Variants in ABCB4 observed in about 807,000 individuals in gnomAD.
ABCB4 encodes the protein ATP binding cassette subfamily B member 4, also known as phosphatidylcholine translocator ABCB4.
Under a neutral mutation model 145.7 loss-of-function variants are expected in ABCB4, and 76 were observed. The observed-to-expected ratio is 0.52, with a 90% confidence interval of 0.43 to 0.63. The LOEUF (loss-of-function observed/expected upper bound fraction) is 0.63. ABCB4 is among the 30% of genes least tolerant of loss of function. ABCB4 has a pLI of 0.00. For missense variants in ABCB4, 1,234 were observed against 1,553.1 expected (o/e 0.79, Z 3.45); for synonymous variants, 517 against 566.8 (o/e 0.91, Z 1.25).
At chr7:87,417,173 T>A (rs933103893) in intron 21 of ABCB4, 139 bp downstream of exon 21, 2 of 811,640 alleles carry the variant, frequency 2.5e-6, no homozygotes, top group African/African-American at 3.5e-5. Context: ...GTAAAATATT[T>A]CATACACAAT....
chr7:87,382,806 G>T, the ABCB4 span, among the ~76,000 whole-genome samples: 7 of 152,160 alleles, frequency 4.6e-5, no homozygotes, highest in Admixed American at 3.9e-4. Context: ...GTCATCTTTG[G>T]CATTCAGATC....
rs760223475 is a variant in ABCB4, at chr7:87,453,018, A to G, written c.462T>C (p.Phe154=). Residue 154 remains phenylalanine, a synonymous_variant, in exon 6 of 28, where the codon TTT becomes TTC. Coordinates refer to ENST00000649586, the MANE Select transcript of ABCB4 (RefSeq NM_000443.4). Reference sequence around the variant, plus strand: ...CTATTTCCTGTCGTAGAATAGCATGAAAAAACTTCTGCCTAATTTTCCTGA... The same window carrying G: ...CTATTTCCTGTCGTAGAATAGCATGGAAAAACTTCTGCCTAATTTTCCTGA... ...RQIRKIRQKF[F]HAILRQEIGW... 5.6e-6 allele frequency: 9 copies of G among 1,613,984 alleles called. No individual in the cohort carries two copies. The South Asian group carries it at 8.8e-5, about 16-fold the overall frequency.
chr7:87,461,296 G>A (rs1812444346), intron 4 of ABCB4, among the ~76,000 whole-genome samples: 1 of 152,134 alleles, frequency 6.6e-6, no homozygotes, highest in African/African-American at 2.4e-5. Flanking sequence ...ACTTCACAAT[G>A]TTTATGTTAA....
the ABCB4 span, among the ~76,000 whole-genome samples, chr7:87,388,101 A>G: frequency 2.0e-5 from 3 of 152,136 alleles, no homozygotes; most frequent in African/African-American, 7.2e-5. Flanking sequence ...CTGCACAGAG[A>G]AACAGGCCTG....
chr7:87,459,670 C>T (rs1251453315), intron 4 of ABCB4, among the ~76,000 whole-genome samples: 1 of 151,998 alleles, frequency 6.6e-6, no homozygotes. Flanking sequence ...AGACATCACA[C>T]CCACCCATTT....
chr7:87,447,327 T>C, intron 8 of ABCB4, 122 bp from the exon 9 acceptor site: 1 of 899,194 alleles, frequency 1.1e-6, no homozygotes, highest in Non-Finnish European at 1.7e-6. Context: ...AATGAACCCA[T>C]GGTGAGACCC....
At position 87,454,312 on chromosome 7, in the gene ABCB4, G is replaced by A. The variant is rs191581514; in HGVS notation, c.344+223C>T. Among the ~76,000 whole-genome samples, 60 of 152,296 alleles carry A rather than the reference G, an allele frequency of 3.9e-4. No homozygotes were observed. In the East Asian group the frequency reaches 0.011, roughly 28 times the overall value. On this transcript the variant is annotated intron_variant, in intron 5 of 27. Coordinates refer to ENST00000649586, the MANE Select transcript of ABCB4 (RefSeq NM_000443.4). Reference sequence around the variant, plus strand: ...CTGAAATTTACTGAAGCTAATAGCTGTACTGTGATTATGTAAGAAAATATC... The same window carrying A: ...CTGAAATTTACTGAAGCTAATAGCTATACTGTGATTATGTAAGAAAATATC...
chr7:87,471,978 T>C (rs943342545), intron 3 of ABCB4, among the ~76,000 whole-genome samples: 12 of 152,346 alleles, frequency 7.9e-5, no homozygotes, highest in African/African-American at 2.9e-4. Context: ...GGGGTGGGGG[T>C]CTGTGAAGCA....
At chr7:87,403,526 T>C (rs1807957354) in intron 26 of ABCB4, 2 of 529,438 alleles carry the variant, frequency 3.8e-6, no homozygotes, top group South Asian at 4.2e-5. Context: ...AAATAACAAA[T>C]GCTATAACGG....
chr7:87,436,426 A>G (rs1266288748), intron 14 of ABCB4, among the ~76,000 whole-genome samples: 1 of 152,218 alleles, frequency 6.6e-6, no homozygotes, highest in Non-Finnish European at 1.5e-5. Flanking sequence ...ATATATAGGC[A>G]TAACTTCTGG....
intron 25 of ABCB4, among the ~76,000 whole-genome samples, chr7:87,406,956 T>C (rs1452760068): frequency 1.3e-5 from 2 of 152,146 alleles, no homozygotes; most frequent in Admixed American, 1.3e-4. Context: ...TCTACCTCTC[T>C]TTTCCCTGAA....
At chr7:87,418,663 C>A (rs1809176142) in intron 19 of ABCB4, 43 bp from the exon 20 acceptor site, 2 of 1,591,504 alleles carry the variant, frequency 1.3e-6, no homozygotes, top group East Asian at 2.2e-5. Context: ...AAAATTAAAA[C>A]AAGCAAAGAA....
chr7:87,444,921 T>C lies in ABCB4; in HGVS notation c.1060A>G (p.Ile354Val), dbSNP rs1432272679. The C allele has an allele frequency of 4.4e-6, 7 of 1,608,232 alleles. No individual in the cohort carries two copies. The highest frequency in any genetic ancestry group is 1.3e-5 in the African/African-American group (1 of 74,814). ...CCTCTTGCATTGGCAAAAGCATCAATACATGGGGCAGCCTGGCCAACACTG... is the reference window on the plus strand; with the variant it reads ...CCTCTTGCATTGGCAAAAGCATCAACACATGGGGCAGCCTGGCCAACACTG... The part of the protein sequence containing the change: ...AFSVGQAAPC[I>V]DAFANARGAA... Residue 354 changes from isoleucine (I) to valine (V), a missense_variant, in exon 10 of 28, where the codon ATT (isoleucine) becomes GTT (valine). Around this residue, in one of 7 missense-constraint regions of ABCB4, gnomAD observed 467 missense variants for 632.8 expected, o/e 0.74. Transcript: ENST00000649586.
chr7:87,398,773 TA>T, downstream of ABCB4: 1 of 859,228 alleles, frequency 1.2e-6, no homozygotes, highest in East Asian at 2.7e-5. Context: ...GAAAACTTGT[TA>T]AATGTAGAAA....
chr7:87,433,453 T>G (rs1423108116), intron 14 of ABCB4, among the ~76,000 whole-genome samples: 1 of 152,090 alleles, frequency 6.6e-6, no homozygotes, highest in African/African-American at 2.4e-5. Context: ...ATGCTAACAG[T>G]GATGAATAAA....
intron 3 of ABCB4, among the ~76,000 whole-genome samples, chr7:87,466,748 CA>C (rs1208719158): frequency 6.6e-6 from 1 of 152,208 alleles, no homozygotes; most frequent in African/African-American, 2.4e-5. Flanking sequence ...CAATATTCAA[CA>C]TTCTTAAAGA....
downstream of ABCB4, among the ~76,000 whole-genome samples, chr7:87,397,248 AC>A (rs1482415063): frequency 2.0e-5 from 3 of 151,802 alleles, no homozygotes; most frequent in African/African-American, 7.3e-5. Flanking sequence ...TTACTTGGGA[AC>A]CTGAGGCACG....
chr7:87,420,922 G>A (rs1302323492), intron 18 of ABCB4, among the ~76,000 whole-genome samples: 1 of 152,164 alleles, frequency 6.6e-6, no homozygotes, highest in African/African-American at 2.4e-5. Flanking sequence ...GTTAAATACA[G>A]AAGTAACAAA....
the ABCB4 span, among the ~76,000 whole-genome samples, chr7:87,384,957 T>C: frequency 6.6e-6 from 1 of 152,206 alleles, no homozygotes; most frequent in East Asian, 1.9e-4. Context: ...TGGAGCCATT[T>C]ATTGAAGAGC....
Sources: gnomAD v4.1 joint callset for allele counts (sites outside exome capture counted in the v4.1 genomes callset) on GRCh38, gnomAD v4.1.1 for gene constraint, gnomAD v4.1.1 regional missense constraint, MANE v1.5 for transcripts, NCBI Gene and HGNC (gene_info 2026-07-23, HGNC 2026-07-21) for gene names.